BAIAP2L2: variants seen among roughly 807,000 people sequenced by gnomAD.
BAIAP2L2 encodes the protein BAR/IMD domain-containing adapter protein 2-like 2.
BAIAP2L2 carries 65 observed loss-of-function variants against 60.4 expected under a neutral mutation model. That is an observed-to-expected ratio of 1.08 (90% CI 0.88 to 1.32). The LOEUF is 1.32. Among genes scored for constraint, BAIAP2L2 ranks in the 40% most tolerant of loss-of-function variants. The probability of loss-of-function intolerance (pLI) is 0.00; values close to 1 mark genes in which losing one functional copy is unlikely to be tolerated. For missense variants in BAIAP2L2, 836 were observed against 741.2 expected (o/e 1.13, Z -1.48); for synonymous variants, 344 against 301.7 (o/e 1.14, Z -1.45).
At chr22:38,087,859 T>C (rs2086144616) in intron 10 of BAIAP2L2, among the ~76,000 whole-genome samples, 2 of 135,254 alleles carry the variant, frequency 1.5e-5, no homozygotes, top group African/African-American at 5.7e-5. Flanking sequence ...CATCTGCGCA[T>C]CCTCCCATGT....
In BAIAP2L2 at chr22:38,098,082, TTG is replaced by T. The variant is rs2086483420; in HGVS notation, c.444_445del (p.Asp148GlufsTer23). ...TCGCACCTTCATCTCCCGCACGTTC[TTG>T]TCTCTCTTGCGCTCCATGCGCCACA... On this transcript the variant is annotated frameshift_variant, in exon 6 of 14. Coordinates refer to ENST00000381669, the MANE Select transcript of BAIAP2L2 (RefSeq NM_025045.6). LOFTEE classifies it high-confidence loss of function. 6.5e-7 allele frequency: 1 copy of T among 1,533,360 alleles called. No homozygotes were observed. Among genetic ancestry groups the T allele is most frequent in the African/African-American group, 1.4e-5 (1 of 73,196 alleles). 95.0% of individuals were successfully genotyped at this position (1,533,360 alleles called of 1,614,324 possible).
chr22:38,086,162 C>A, intron 12 of BAIAP2L2, 80 bp downstream of exon 12: 2 of 1,453,858 alleles, frequency 1.4e-6, no homozygotes, highest in Non-Finnish European at 9.4e-7. Context: ...GCCAGACAGC[C>A]GGTGACAGAG....
rs531229164 is a variant in BAIAP2L2, at chr22:38,088,234, C to T, written c.1118+514G>A. Among the ~76,000 whole-genome samples, 5 of 152,336 alleles carry T rather than the reference C, an allele frequency of 3.3e-5. No individual in the cohort carries two copies. The South Asian group carries it at 8.3e-4, about 25-fold the overall frequency. ...GCTAGCTGCCAGCCCTGCTGTCCTCCGCACTTTCTGGCAACCTCACTGTAT... is the reference window on the plus strand; with the variant it reads ...GCTAGCTGCCAGCCCTGCTGTCCTCTGCACTTTCTGGCAACCTCACTGTAT... On this transcript the variant is annotated intron_variant, in intron 10 of 13. Coordinates refer to ENST00000381669, the MANE Select transcript of BAIAP2L2 (RefSeq NM_025045.6).
intron 13 of BAIAP2L2, 142 bp from the exon 14 acceptor site, chr22:38,085,517 T>C: frequency 1.6e-6 from 2 of 1,217,504 alleles, no homozygotes; most frequent in African/African-American, 1.5e-5. Context: ...CCGCTTCATC[T>C]TTTTTTTTCT....
chr22:38,093,714 T>C (rs1479375717), intron 7 of BAIAP2L2, among the ~76,000 whole-genome samples: 5 of 152,148 alleles, frequency 3.3e-5, no homozygotes, highest in African/African-American at 1.2e-4. Flanking sequence ...TAACAAATAG[T>C]AGCGAGGACG....
chr22:38,110,120 G>GAGAGAGAGAGGGA (rs2086796664), intron 1 of BAIAP2L2, among the ~76,000 whole-genome samples: 1 of 18,830 alleles, frequency 5.3e-5, no homozygotes, highest in Non-Finnish European at 2.1e-4. Context: ...AGAGAGAGAG[G>GAGAGAGAGAGGGA]GAGAGAGAGA....
chr22:38,110,086 AGAGAGAGAGAGACAGAGAGAGG>A (rs2086787124), intron 1 of BAIAP2L2, among the ~76,000 whole-genome samples: 1 of 25,692 alleles, frequency 3.9e-5, no homozygotes, highest in Non-Finnish European at 8.7e-5. Context: ...AGAGAGACAG[AGAGAGAGAGAGACAGAGAGAGG>A]GAGAGAGAGA....
At position 38,086,466 on chromosome 22, in the gene BAIAP2L2, G is replaced by A. The variant is rs777303723; in HGVS notation, c.1260-17C>T. The A allele has an allele frequency of 2.3e-5, 34 of 1,478,840 alleles. No individual in the cohort carries two copies. The South Asian group carries it at 4.0e-4, about 17-fold the overall frequency. The allele number at this position is 1,478,840 out of a possible 1,614,324, so 91.6% of individuals were successfully genotyped here. On this transcript the variant is annotated splice_polypyrimidine_tract_variant and intron_variant, in intron 11 of 13. Coordinates refer to ENST00000381669, the MANE Select transcript of BAIAP2L2 (RefSeq NM_025045.6). ...GGGTAGGACCTAAGTCCAGAGAAAG[G>A]AGGGGGAAGGAAAGGGGTTGGGGCC...
chr22:38,087,321 C>T (rs199976766), intron 10 of BAIAP2L2, 57 bp from the exon 11 acceptor site: 54 of 1,558,170 alleles, frequency 3.5e-5, no homozygotes, highest in Non-Finnish European at 5.2e-6. Context: ...GGGACAATGA[C>T]CAAAAGAAGA....
In BAIAP2L2 at chr22:38,088,931, C is replaced by G. The variant is rs750504278; in HGVS notation, c.935G>C (p.Arg312Pro). The G allele has an allele frequency of 6.5e-7, 1 of 1,541,474 alleles. No individual in the cohort carries two copies. Among genetic ancestry groups the G allele is most frequent in the African/African-American group, 1.4e-5 (1 of 73,156 alleles). Residue 312 changes from arginine (R) to proline (P), a missense_variant, in exon 10 of 14, where the codon CGC (arginine) becomes CCC (proline). Transcript: ENST00000381669. ...SLYSGSAQSS[R>P]SNSFGERPGG... ...CGGGCGCTCGCCAAAGGAGTTGGAG[C>G]GCGAGCTTTGGGCGCTGCCGCTGTA...
chr22:38,110,840 G>A (rs1433479358), upstream of BAIAP2L2, among the ~76,000 whole-genome samples: 4 of 152,080 alleles, frequency 2.6e-5, no homozygotes, highest in African/African-American at 4.8e-5. Flanking sequence ...CCATGTGGAT[G>A]AGCCCCCTCC....
chr22:38,110,797 T>A, upstream of BAIAP2L2: 1 of 487,520 alleles, frequency 2.1e-6, no homozygotes, highest in Non-Finnish European at 3.6e-6. Flanking sequence ...CTTCAATTAT[T>A]CACCCCTTGG....
chr22:38,106,528 TAA>T (rs71195083), intron 4 of BAIAP2L2, among the ~76,000 whole-genome samples: 40 of 121,944 alleles, frequency 3.3e-4, no homozygotes, highest in African/African-American at 5.2e-4. Context: ...TCAAAAAAAT[TAA>T]AAAAAAAAAA....
At chr22:38,098,676 T>C (rs879701612) in intron 4 of BAIAP2L2, among the ~76,000 whole-genome samples, 194 bp from the exon 5 acceptor site, 1 of 152,222 alleles carries the variant, frequency 6.6e-6, no homozygotes, top group Non-Finnish European at 1.5e-5. Flanking sequence ...ACATTCACAA[T>C]GTTTAGTGCA....
chr22:38,096,444 C>T (rs1448328009), intron 7 of BAIAP2L2, among the ~76,000 whole-genome samples: 1 of 152,172 alleles, frequency 6.6e-6, no homozygotes, highest in East Asian at 1.9e-4. Flanking sequence ...CGCTTGAGGT[C>T]AGGAGTTTGA....
intron 7 of BAIAP2L2, chr22:38,090,145 C>T (rs2086261176): frequency 8.6e-6 from 1 of 116,608 alleles, no homozygotes; most frequent in African/African-American, 3.2e-5. Flanking sequence ...GAGTCTGGCT[C>T]TGTCGCCCAG....
intron 4 of BAIAP2L2, among the ~76,000 whole-genome samples, chr22:38,106,474 T>A (rs553318838): frequency 2.7e-5 from 4 of 149,738 alleles, no homozygotes; most frequent in South Asian, 4.2e-4. Flanking sequence ...GAGCTGAGAT[T>A]GTGACACTGC....
chr22:38,097,539 TGAG>T (rs1237099639), intron 6 of BAIAP2L2, among the ~76,000 whole-genome samples: 1 of 152,062 alleles, frequency 6.6e-6, no homozygotes, highest in Non-Finnish European at 1.5e-5. Flanking sequence ...GGGAAGATTC[TGAG>T]GAGGGGAGGC....
intron 4 of BAIAP2L2, among the ~76,000 whole-genome samples, chr22:38,105,029 C>T (rs1031809953): frequency 6.6e-6 from 1 of 152,146 alleles, no homozygotes; most frequent in African/African-American, 2.4e-5. Context: ...TCATTACGCT[C>T]TAATCTGTTC....
Sources: gnomAD v4.1 joint callset for allele counts (sites outside exome capture counted in the v4.1 genomes callset) on GRCh38, gnomAD v4.1.1 for gene constraint, MANE v1.5 for transcripts, NCBI Gene and HGNC (gene_info 2026-07-23, HGNC 2026-07-21) for gene names.